Variants in HELZ observed in about 807,000 individuals in gnomAD.
HELZ encodes the protein helicase with zinc finger, also known as ATP-dependent RNA helicase with zinc finger domain.
A neutral mutation model predicts 218.2 loss-of-function variants in HELZ; 23 were observed. The observed-to-expected ratio is 0.11, with a 90% CI of 0.08 to 0.15. The LOEUF is 0.15. Ranked by LOEUF, HELZ falls within the 10% of genes least tolerant of loss-of-function variation. HELZ has a pLI of 1.00. For missense variants in HELZ, 1,813 were observed against 2,353.7 expected, an observed-to-expected ratio of 0.77 and a Z score of 4.75; for synonymous variants, 814 against 829.4, an observed-to-expected ratio of 0.98 and a Z score of 0.32.
Position 67,078,171 on chromosome 17 carries a change from T to G in HELZ, c.*81A>C, listed in dbSNP as rs1227591214. On this transcript the variant is annotated 3_prime_UTR_variant, in exon 33 of 33. Transcript: ENST00000358691. ...ATTAAAACAAAGGGAACTGTGCATC[T>G]ATAGATGAAGTCCAACTACCTTAAT... is the stretch of plus-strand genomic sequence containing the variant. 9 of 923,206 alleles carry G rather than the reference T, an allele frequency of 9.7e-6. No homozygotes were observed. The highest frequency in any genetic ancestry group is 1.5e-5 in the Non-Finnish European group (9 of 582,436). The allele number at this position is 923,206 out of a possible 1,614,324, so 57.2% of individuals were successfully genotyped here.
intron 31 of HELZ, among the ~76,000 whole-genome samples, chr17:67,104,430 C>T (rs1302590617): frequency 2.2e-5 from 3 of 137,806 alleles, no homozygotes; most frequent in African/African-American, 7.7e-5. Flanking sequence ...CAGAGCGAGA[C>T]GCCATTTCAA....
At chr17:67,121,246 CA>C (rs2037600009) in intron 26 of HELZ, among the ~76,000 whole-genome samples, 1 of 152,166 alleles carries the variant, frequency 6.6e-6, no homozygotes, top group Non-Finnish European at 1.5e-5. Context: ...GGAATAAATA[CA>C]ATGACATCTG....
chr17:67,179,345 T>C (rs1002584319), intron 12 of HELZ, among the ~76,000 whole-genome samples: 2 of 152,166 alleles, frequency 1.3e-5, no homozygotes, highest in African/African-American at 4.8e-5. Context: ...AAAGAGAAGA[T>C]CAAAAACTGT....
At position 67,151,042 on chromosome 17, in the gene HELZ, A is replaced by G. The variant is rs759272044; in HGVS notation, c.2356+4T>C. 10 of 1,612,622 alleles carry G rather than the reference A, an allele frequency of 6.2e-6. No individual in the cohort carries two copies. The South Asian group carries it at 8.8e-5, about 14-fold the overall frequency. On this transcript the variant is annotated splice_donor_region_variant and intron_variant, in intron 18 of 32. Coordinates refer to ENST00000358691, the MANE Select transcript of HELZ (RefSeq NM_014877.4). ...TTGTGAGACTGTGTCTTGAGTCAGC[A>G]TACCAGGTTCAAGGTCCAACTGACA...
At chr17:67,204,332 A>G (rs2143135113) in intron 5 of HELZ, among the ~76,000 whole-genome samples, 1 of 152,300 alleles carries the variant, frequency 6.6e-6, no homozygotes, top group Non-Finnish European at 1.5e-5. Flanking sequence ...AATTCTACAT[A>G]AGAGTTCATC....
chr17:67,178,905 G>A lies in HELZ; in HGVS notation c.1184C>T (p.Ala395Val). 6.2e-7 allele frequency: 1 copy of A among 1,608,078 alleles called. No individual in the cohort carries two copies. Residue 395 changes from alanine (A) to valine (V), a missense_variant, in exon 13 of 33, where the codon GCA becomes GTA. Coordinates refer to ENST00000358691, the MANE Select transcript of HELZ (RefSeq NM_014877.4). The part of the protein sequence containing the change: ...STEDLEYLMH[A>V]KQQLVTTAKR... ...AGCTGTGGTTACTAGCTGCTGTTTT[G>A]CATGCATCAGGTATTCGAGATCTAA...
chr17:67,244,975 C>A, intron 1 of HELZ, 173 bp downstream of exon 1: 1 of 985,914 alleles, frequency 1.0e-6, no homozygotes, highest in Non-Finnish European at 1.2e-6. Flanking sequence ...GGCCTCGCCT[C>A]GAAGAGCCGC....
Position 67,078,308 on chromosome 17 carries a change from C to G in HELZ, c.5773G>C (p.Glu1925Gln). 1 of 1,614,052 alleles carries G rather than the reference C, an allele frequency of 6.2e-7. No individual in the cohort carries two copies. Among genetic ancestry groups the G allele is most frequent in the Non-Finnish European group, 8.5e-7 (1 of 1,180,016 alleles). ...CCAGATGAGCTCCCTAGGCTCAGTTCCTGGAAGAGAGACAGAGGGTCGCTA... is the reference window on the plus strand; with the variant it reads ...CCAGATGAGCTCCCTAGGCTCAGTTGCTGGAAGAGAGACAGAGGGTCGCTA... ...KSSDPLSLFQ[E>Q]LSLGSSSGSN... Residue 1925 changes from glutamate to glutamine, a missense_variant, in exon 33 of 33, where the codon GAA becomes CAA. Coordinates refer to ENST00000358691, the MANE Select transcript of HELZ (RefSeq NM_014877.4).
chr17:67,200,375 T>C (rs1189466211), intron 7 of HELZ, among the ~76,000 whole-genome samples: 2 of 152,142 alleles, frequency 1.3e-5, no homozygotes, highest in Non-Finnish European at 2.9e-5. Flanking sequence ...TACACATTAT[T>C]TCCATCTCCT....
At chr17:67,231,606 A>G (rs939774956) in intron 3 of HELZ, among the ~76,000 whole-genome samples, 2 of 151,922 alleles carry the variant, frequency 1.3e-5, no homozygotes, top group South Asian at 4.2e-4. Flanking sequence ...AAAAAAAAAA[A>G]AAAGAAATGT....
chr17:67,100,580 CA>C (rs2036893416), intron 31 of HELZ, among the ~76,000 whole-genome samples: 1 of 152,060 alleles, frequency 6.6e-6, no homozygotes, highest in South Asian at 2.1e-4. Context: ...TCTTAAATGG[CA>C]AAAGCTTTCC....
chr17:67,181,747 A>G (rs1343034156), intron 12 of HELZ, among the ~76,000 whole-genome samples: 1 of 152,212 alleles, frequency 6.6e-6, no homozygotes. Context: ...CAAAAAGCCT[A>G]CAAACTACTG....
intron 5 of HELZ, among the ~76,000 whole-genome samples, chr17:67,205,390 G>A (rs750244988): frequency 6.6e-6 from 1 of 151,918 alleles, no homozygotes; most frequent in Non-Finnish European, 1.5e-5. Flanking sequence ...TAGTTACATC[G>A]CTAAGCCTAT....
In HELZ at chr17:67,137,974, C is replaced by T; in HGVS notation, c.2910G>A (p.Lys970=). 1 of 1,612,932 alleles carries T rather than the reference C, an allele frequency of 6.2e-7. No homozygotes were observed. Among genetic ancestry groups the T allele is most frequent in the Non-Finnish European group, 8.5e-7 (1 of 1,179,340 alleles). ...VFRIRAELRK[K]RLSDVNVERV... ...TTTCTACATTAACATCAGATAATCTCTTTTTTCGAAGTTCAGCACGTATTC... is the reference window on the plus strand; with the variant it reads ...TTTCTACATTAACATCAGATAATCTTTTTTTTCGAAGTTCAGCACGTATTC... The change falls in exon 22 of 33, where the codon AAG becomes AAA. Residue 970 remains lysine, a synonymous_variant. Coordinates refer to ENST00000358691, the MANE Select transcript of HELZ (RefSeq NM_014877.4).
At chr17:67,193,370 A>C (rs1425097882) in intron 9 of HELZ, among the ~76,000 whole-genome samples, 2 of 151,622 alleles carry the variant, frequency 1.3e-5, no homozygotes, top group Non-Finnish European at 2.9e-5. Flanking sequence ...AAAAGAAAAG[A>C]AAAACAAAAG....
chr17:67,168,488 G>A (rs1158758032), intron 13 of HELZ, among the ~76,000 whole-genome samples: 2 of 152,064 alleles, frequency 1.3e-5, no homozygotes, highest in African/African-American at 2.4e-5. Context: ...AAAATCACCT[G>A]GAACCAGAAG....
At chr17:67,180,866 A>C (rs1253117432) in intron 12 of HELZ, among the ~76,000 whole-genome samples, 1 of 133,080 alleles carries the variant, frequency 7.5e-6, no homozygotes, top group Non-Finnish European at 1.6e-5. Context: ...CGACAGAGTG[A>C]GACTCCATCT....
intron 12 of HELZ, among the ~76,000 whole-genome samples, chr17:67,186,766 T>A (rs1362207550): frequency 6.6e-6 from 1 of 152,176 alleles, no homozygotes; most frequent in Non-Finnish European, 1.5e-5. Context: ...ACAACCCACA[T>A]GTAAGCCAAG....
intron 23 of HELZ, among the ~76,000 whole-genome samples, chr17:67,133,012 T>TAGTAA (rs1443020228): frequency 6.6e-6 from 1 of 152,190 alleles, no homozygotes; most frequent in Non-Finnish European, 1.5e-5. Context: ...GAGAGTAAAT[T>TAGTAA]AATATCTAAT....
Sources: allele counts gnomAD v4.1 joint callset (sites outside exome capture counted in the v4.1 genomes callset), GRCh38; gene constraint gnomAD v4.1.1; transcripts MANE v1.5; gene names NCBI Gene and HGNC (gene_info 2026-07-23, HGNC 2026-07-21).